The following EYA4 variants were observed in gnomAD, a reference collection of about 807,000 sequenced individuals.
EYA4 encodes the protein EYA transcriptional coactivator and phosphatase 4.
A neutral mutation model predicts 87.9 loss-of-function variants in EYA4; 31 were observed. The ratio of observed to expected loss-of-function variants is 0.35; its 90% CI spans 0.27 to 0.48. The LOEUF is 0.48. Among genes scored for constraint, EYA4 ranks in the 20% least tolerant of loss-of-function variants. The pLI is 0.99. For missense variants in EYA4, 678 were observed against 761.4 expected (o/e 0.89, Z 1.29); for synonymous variants, 263 against 270.6 (o/e 0.97, Z 0.28).
intron 2 of EYA4, among the ~76,000 whole-genome samples, chr6:133,317,066 G>T (rs1250989000): frequency 6.6e-6 from 1 of 152,070 alleles, no homozygotes; most frequent in Non-Finnish European, 1.5e-5. Context: ...AGAAATAGAG[G>T]TTAGAGAGAC....
At chr6:133,377,530 A>C (rs1447657572) in intron 2 of EYA4, among the ~76,000 whole-genome samples, 2 of 151,570 alleles carry the variant, frequency 1.3e-5, no homozygotes, top group Non-Finnish European at 2.9e-5. Context: ...TTTGGACAGA[A>C]AAAGAAACAA....
intron 3 of EYA4, among the ~76,000 whole-genome samples, chr6:133,399,713 C>CTGACTT (rs1389393791): frequency 1.3e-5 from 2 of 152,122 alleles, no homozygotes; most frequent in Non-Finnish European, 2.9e-5. Context: ...GAGTAGTTTT[C>CTGACTT]TGACTTTAAA....
rs1782288647 is a variant in EYA4, at chr6:133,335,390, G to C, written c.34-47002G>C. Reference sequence around the variant, plus strand: ...AATAATTAGTAACATTATTCATTGGGTTCATTTAATTTGTTCAACGGATAT... The same window carrying C: ...AATAATTAGTAACATTATTCATTGGCTTCATTTAATTTGTTCAACGGATAT... On this transcript the variant is annotated intron_variant, in intron 2 of 19. Transcript: ENST00000355286. 2.6e-5 allele frequency among the ~76,000 whole-genome samples: 4 copies of C among 152,212 alleles called. No homozygotes were observed. The South Asian group carries it at 6.2e-4, about 24-fold the overall frequency.
At chr6:133,405,307 G>T (rs533887904) in intron 3 of EYA4, among the ~76,000 whole-genome samples, 2 of 152,130 alleles carry the variant, frequency 1.3e-5, no homozygotes, top group Non-Finnish European at 2.9e-5. Context: ...CTGACATCTT[G>T]TGGCAACATC....
chr6:133,360,223 T>A (rs530131908), intron 2 of EYA4: 1 of 152,370 alleles, frequency 6.6e-6, no homozygotes, highest in South Asian at 2.1e-4. Context: ...CAAGTAAAGG[T>A]ATTATGTCTT....
intron 3 of EYA4, among the ~76,000 whole-genome samples, chr6:133,394,269 T>TATATATAAA (rs1787560172): frequency 6.8e-6 from 1 of 146,834 alleles, no homozygotes; most frequent in South Asian, 2.1e-4. Flanking sequence ...TGGAAAAATG[T>TATATATAAA]ATATATAAGC....
chr6:133,254,210 C>G (rs1191977321), intron 1 of EYA4, among the ~76,000 whole-genome samples: 1 of 152,112 alleles, frequency 6.6e-6, no homozygotes, highest in Non-Finnish European at 1.5e-5. Flanking sequence ...CTTCATAATT[C>G]TAGTTTTCTC....
chr6:133,513,417 G>A (rs904210020), intron 16 of EYA4, among the ~76,000 whole-genome samples: 1 of 152,138 alleles, frequency 6.6e-6, no homozygotes, highest in Non-Finnish European at 1.5e-5. Context: ...TTGAAGGACG[G>A]TGGTTAGCAA....
chr6:133,369,646 G>A (rs1191031700), intron 2 of EYA4, among the ~76,000 whole-genome samples: 1 of 152,136 alleles, frequency 6.6e-6, no homozygotes, highest in Non-Finnish European at 1.5e-5. Context: ...AAACAAAAAT[G>A]TAAAATGTTG....
At chr6:133,389,753 G>T (rs1787093294) in intron 3 of EYA4, among the ~76,000 whole-genome samples, 1 of 152,100 alleles carries the variant, frequency 6.6e-6, no homozygotes, top group Admixed American at 6.5e-5. Flanking sequence ...TTGACTTCTT[G>T]CTCCCTTTCC....
chr6:133,516,917 T>C (rs1021027915), intron 17 of EYA4, among the ~76,000 whole-genome samples: 14 of 152,296 alleles, frequency 9.2e-5, no homozygotes, highest in Non-Finnish European at 1.9e-4. Context: ...CAGTCTATCA[T>C]TGATGCACAG....
chr6:133,310,088 C>T (rs959268812), intron 2 of EYA4, among the ~76,000 whole-genome samples: 16 of 152,200 alleles, frequency 1.1e-4, no homozygotes, highest in African/African-American at 3.6e-4. Context: ...CACACAGCAG[C>T]GAAAGTGAGG....
intron 1 of EYA4, among the ~76,000 whole-genome samples, chr6:133,272,457 T>C (rs1205183326): frequency 6.6e-6 from 1 of 152,206 alleles, no homozygotes; most frequent in African/African-American, 2.4e-5. Flanking sequence ...ACCTTCTTTA[T>C]GGCCAGATGG....
At chr6:133,325,556 A>G (rs912463080) in intron 2 of EYA4, 1 of 152,132 alleles carries the variant, frequency 6.6e-6, no homozygotes, top group Non-Finnish European at 1.5e-5. Context: ...TCTGATCAGG[A>G]TGGGTTAGCT....
intron 13 of EYA4, among the ~76,000 whole-genome samples, chr6:133,496,248 G>A (rs1014278774): frequency 1.3e-5 from 2 of 152,078 alleles, no homozygotes; most frequent in African/African-American, 4.8e-5. Context: ...ATTATTATGG[G>A]TCCTTAAAAT....
intron 2 of EYA4, among the ~76,000 whole-genome samples, chr6:133,361,529 C>T (rs1227790109): frequency 2.6e-5 from 4 of 152,130 alleles, no homozygotes; most frequent in Non-Finnish European, 4.4e-5. Context: ...ATCCTGCCAG[C>T]ATCTGTGAAA....
chr6:133,407,954 G>C lies in EYA4; in HGVS notation c.83+25513G>C, dbSNP rs539355258. Among the ~76,000 whole-genome samples the C allele has an allele frequency of 2.3e-3, 347 of 152,248 alleles. 1 individual carries two copies. The highest frequency in any genetic ancestry group is 7.4e-3 in the African/African-American group (307 of 41,550). On this transcript the variant is annotated intron_variant, in intron 3 of 19. Transcript: ENST00000355286. The stretch of plus-strand genomic sequence containing the variant: ...ATTCTTTGGAGGATTTAAAGTATGG[G>C]GGGAAGAAAAGGAAACCTGACTTAC...
At chr6:133,389,994 A>G (rs1787116792) in intron 3 of EYA4, among the ~76,000 whole-genome samples, 1 of 152,114 alleles carries the variant, frequency 6.6e-6, no homozygotes, top group Non-Finnish European at 1.5e-5. Flanking sequence ...CAAGACTGTC[A>G]GAGAGCCTTT....
chr6:133,260,373 G>T (rs934048922), intron 1 of EYA4, among the ~76,000 whole-genome samples: 1 of 152,116 alleles, frequency 6.6e-6, no homozygotes, highest in Non-Finnish European at 1.5e-5. Context: ...GAATAGCTGG[G>T]ATCACAGGTG....
Sources: allele counts gnomAD v4.1 joint callset (sites outside exome capture counted in the v4.1 genomes callset), GRCh38; gene constraint gnomAD v4.1.1; transcripts MANE v1.5; gene names NCBI Gene and HGNC (gene_info 2026-07-23, HGNC 2026-07-21).